Variants in ELAPOR1 observed in about 807,000 individuals in gnomAD.
The protein encoded by ELAPOR1 is endosome-lysosome associated apoptosis and autophagy regulator 1.
In ELAPOR1, 77 loss-of-function variants were observed where a neutral mutation model predicts 119.7. The observed-to-expected ratio is 0.64, with a 90% CI of 0.54 to 0.78. ELAPOR1 has a LOEUF of 0.78. ELAPOR1 is among the 30% of genes least tolerant of loss of function. The probability of loss-of-function intolerance (pLI) is 0.00; values close to 1 mark genes in which losing one functional copy is unlikely to be tolerated. For synonymous variants in ELAPOR1, 481 were observed against 487.2 expected (o/e 0.99, Z 0.17); for missense variants, 1,115 against 1,270.4 (o/e 0.88, Z 1.86).
chr1:109,153,666 G>GTCTC (rs2101024345), intron 1 of ELAPOR1, among the ~76,000 whole-genome samples: 1 of 151,770 alleles, frequency 6.6e-6, no homozygotes, highest in South Asian at 2.1e-4. Context: ...TTGAGACAGA[G>GTCTC]TCTCGCTCTG....
At chr1:109,195,944 T>C (rs898401814) in intron 15 of ELAPOR1, among the ~76,000 whole-genome samples, 3 of 152,156 alleles carry the variant, frequency 2.0e-5, no homozygotes, top group Non-Finnish European at 4.4e-5. Context: ...TCACCTGAGG[T>C]CTGGAGTTCG....
chr1:109,165,569 A>G (rs549685922), intron 3 of ELAPOR1, among the ~76,000 whole-genome samples: 30 of 150,132 alleles, frequency 2.0e-4, no homozygotes, highest in African/African-American at 7.1e-4. Context: ...GGGCAACAAG[A>G]GTGAAACTCC....
At chr1:109,174,124 C>T (rs1010211413) in intron 7 of ELAPOR1, among the ~76,000 whole-genome samples, 6 of 151,432 alleles carry the variant, frequency 4.0e-5, no homozygotes, top group Non-Finnish European at 7.4e-5. Flanking sequence ...GCAATCCTCC[C>T]GCCTCAGCCT....
At chr1:109,183,345 AAAAC>A (rs1558057601) in intron 7 of ELAPOR1, among the ~76,000 whole-genome samples, 1 of 117,472 alleles carries the variant, frequency 8.5e-6, no homozygotes, top group Admixed American at 9.3e-5. Flanking sequence ...AAAAAAAAAA[AAAAC>A]AAAAAAAAGA....
At position 109,127,637 on chromosome 1, in the gene ELAPOR1, G is replaced by A. The variant is rs929844567; in HGVS notation, c.153+13301G>A. Among the ~76,000 whole-genome samples, 6 of 152,094 alleles carry A rather than the reference G, an allele frequency of 3.9e-5. 1 individual carries two copies. The highest frequency in any genetic ancestry group is 1.4e-4 in the African/African-American group (6 of 41,400). ...GCTGGAGTGCCGTGGCGTGATCACT[G>A]TTCACGGCAGCCTTGAGCTTCTGGG... is the stretch of plus-strand genomic sequence containing the variant. On this transcript the variant is annotated intron_variant, in intron 1 of 21. Coordinates refer to ENST00000369939, the MANE Select transcript of ELAPOR1 (RefSeq NM_020775.5).
At position 109,191,825 on chromosome 1, in the gene ELAPOR1, T is replaced by G. The variant is rs1249388621; in HGVS notation, c.1645T>G (p.Phe549Val). The G allele has an allele frequency of 6.2e-7, 1 of 1,614,214 alleles. No homozygotes were observed. Among genetic ancestry groups the G allele is most frequent in the South Asian group, 1.1e-5 (1 of 91,082 alleles). ...CATTGAGGAGAACACTACCACGAGC[T>G]TCACCTGGGCCTTCCAGAGGACCAC... is the stretch of plus-strand genomic sequence containing the variant. ...YIIEENTTTS[F>V]TWAFQRTTFH... Residue 549 changes from phenylalanine to valine, a missense_variant, in exon 13 of 22, where the codon TTC (phenylalanine) becomes GTC (valine). Physicochemically the swap from Phe to Val is conservative, Grantham distance 50 (BLOSUM62 -1). Coordinates refer to ENST00000369939, the MANE Select transcript of ELAPOR1 (RefSeq NM_020775.5).
intron 18 of ELAPOR1, among the ~76,000 whole-genome samples, chr1:109,199,370 T>C (rs1453637571): frequency 6.6e-6 from 1 of 152,188 alleles, no homozygotes; most frequent in Non-Finnish European, 1.5e-5. Flanking sequence ...CTTGACCCAG[T>C]AGTGGTGTCT....
rs780373315 is a variant in ELAPOR1 at position 109,162,005 on chromosome 1, A to C, written c.265A>C (p.Thr89Pro). The C allele has an allele frequency of 1.1e-5, 17 of 1,611,938 alleles. No individual in the cohort carries two copies. The highest frequency in any genetic ancestry group is 8.5e-7 in the Non-Finnish European group (1 of 1,178,442). ...CTSLPDPIKG[T>P]ECSFSCNAGE... ...CAGCCTGCCTGACCCCATCAAGGGCACCGAGTGCTGTAAGCAGCTATCCTG... is the reference window on the plus strand; with the variant it reads ...CAGCCTGCCTGACCCCATCAAGGGCCCCGAGTGCTGTAAGCAGCTATCCTG... The change falls in exon 2 of 22, where the codon ACC becomes CCC. Residue 89 changes from threonine (T) to proline (P), a missense_variant. Thr to Pro is a conservative substitution (Grantham distance 38). Transcript: ENST00000369939.
chr1:109,159,620 G>C (rs1438935897), intron 1 of ELAPOR1, among the ~76,000 whole-genome samples: 1 of 152,182 alleles, frequency 6.6e-6, no homozygotes, highest in East Asian at 1.9e-4. Flanking sequence ...GAGTCTATAA[G>C]GGTGGAGGAG....
At chr1:109,161,324 C>T (rs1235444127) in intron 1 of ELAPOR1, among the ~76,000 whole-genome samples, 11 of 149,564 alleles carry the variant, frequency 7.4e-5, no homozygotes, top group Admixed American at 1.4e-4. Flanking sequence ...GCAGGAGAAT[C>T]GCTTGAACCC....
intron 16 of ELAPOR1, 31 bp from the exon 17 acceptor site, chr1:109,197,948 T>G: frequency 1.3e-6 from 2 of 1,574,498 alleles, no homozygotes; most frequent in Non-Finnish European, 1.7e-6. Flanking sequence ...ATGCTACTAG[T>G]GAGAACTAAT....
chr1:109,151,118 A>G (rs549463491), intron 1 of ELAPOR1, among the ~76,000 whole-genome samples: 1 of 152,310 alleles, frequency 6.6e-6, no homozygotes, highest in East Asian at 1.9e-4. Flanking sequence ...TGGGGTAAAT[A>G]TTTAAGGCTT....
intron 7 of ELAPOR1, 128 bp downstream of exon 7, chr1:109,173,965 T>G: frequency 9.9e-7 from 1 of 1,013,812 alleles, no homozygotes; most frequent in East Asian, 2.4e-5. Context: ...CCTTCCTTTC[T>G]GGATCCTGGA....
Position 109,203,087 on chromosome 1 carries a change from C to T in ELAPOR1, c.*75C>T. On this transcript the variant is annotated 3_prime_UTR_variant, in exon 22 of 22. Transcript: ENST00000369939. Reference sequence around the variant, plus strand: ...AAGCCTGCGGCGATTTGGGTGCCAGCATCCTGCAACACCCACTGCTGGAAA... The same window carrying T: ...AAGCCTGCGGCGATTTGGGTGCCAGTATCCTGCAACACCCACTGCTGGAAA... The T allele has an allele frequency of 1.1e-6, 1 of 889,946 alleles. No homozygotes were observed. The highest frequency in any genetic ancestry group is 1.4e-5 in the South Asian group (1 of 70,260). 55.1% of individuals were successfully genotyped at this position (889,946 alleles called of 1,614,324 possible). A position where few individuals can be genotyped will look rare whatever the true frequency, so the allele number is the denominator to read the frequency against.
intron 21 of ELAPOR1, 35 bp from the exon 22 acceptor site, chr1:109,202,908 TG>T (rs2101153473): frequency 6.2e-7 from 1 of 1,612,990 alleles, no homozygotes; most frequent in South Asian, 1.1e-5. Context: ...CTTGCCCCTG[TG>T]CAGCAGCCAG....
Position 109,204,379 on chromosome 1 carries a change from C to T in ELAPOR1, c.*1367C>T, listed in dbSNP as rs1376883281. ...TTTTTTTAAACCTTCCACTATCACT[C>T]TATGACACTGAAAAGAACCAGGTAA... On this transcript the variant is annotated 3_prime_UTR_variant, in exon 22 of 22. Coordinates refer to ENST00000369939, the MANE Select transcript of ELAPOR1 (RefSeq NM_020775.5). The T allele has an allele frequency of 1.3e-5, 2 of 152,242 alleles. No homozygotes were observed. The highest frequency in any genetic ancestry group is 2.9e-5 in the Non-Finnish European group (2 of 68,064). 9.4% of individuals were successfully genotyped at this position (152,242 alleles called of 1,614,324 possible). A position where few individuals can be genotyped will look rare whatever the true frequency, so the allele number is the denominator to read the frequency against.
rs757352297 is a variant in ELAPOR1, at chr1:109,202,929, C to G, written c.2974-15C>G. The G allele has an allele frequency of 7.1e-5, 114 of 1,613,904 alleles. 4 individuals carry two copies. The highest frequency in any genetic ancestry group is 5.9e-4 in the South Asian group (54 of 91,038). On this transcript the variant is annotated splice_polypyrimidine_tract_variant and intron_variant, in intron 21 of 21. Transcript: ENST00000369939. ...CCTGTGCAGCAGCCAGCTCCTGTCA[C>G]CATCTCTCTTTCAGAGGACTCCTGA...
At chr1:109,198,206 A>G (rs1653948551) in intron 17 of ELAPOR1, 131 bp downstream of exon 17, 3 of 722,220 alleles carry the variant, frequency 4.2e-6, no homozygotes, top group Non-Finnish European at 4.8e-6. Context: ...AGATCTGCCC[A>G]GTCATGATAG....
intron 7 of ELAPOR1, 148 bp downstream of exon 7, chr1:109,173,985 C>A: frequency 1.2e-6 from 1 of 836,792 alleles, no homozygotes; most frequent in Non-Finnish European, 1.8e-6. Context: ...AATACCCTTG[C>A]CAATCCATAT....
Sources: allele counts gnomAD v4.1 joint callset (sites outside exome capture counted in the v4.1 genomes callset), GRCh38; gene constraint gnomAD v4.1.1; transcripts MANE v1.5; gene names NCBI Gene and HGNC (gene_info 2026-07-23, HGNC 2026-07-21).